Variants in GPC5 observed in about 807,000 individuals in gnomAD.
GPC5 encodes glypican-5.
Under a neutral mutation model 53.9 loss-of-function variants are expected in GPC5, and 47 were observed. The ratio of observed to expected loss-of-function variants is 0.87; its 90% CI spans 0.69 to 1.11. GPC5 has a LOEUF of 1.11. Among genes scored for constraint, GPC5 ranks in the 50% most tolerant of loss-of-function variants. The pLI is 0.00. For synonymous variants in GPC5, 286 were observed against 263.3 expected, an observed-to-expected ratio of 1.09 and a Z score of -0.84; for missense variants, 748 against 713.1, an observed-to-expected ratio of 1.05 and a Z score of -0.56.
chr13:92,566,268 T>C (rs551950537), intron 7 of GPC5, among the ~76,000 whole-genome samples: 2 of 152,120 alleles, frequency 1.3e-5, no homozygotes, highest in African/African-American at 4.8e-5. Flanking sequence ...TGAATAGCTA[T>C]CAATTTAGAA....
intron 3 of GPC5, among the ~76,000 whole-genome samples, chr13:91,719,711 G>A (rs576152887): frequency 1.3e-5 from 2 of 152,092 alleles, no homozygotes; most frequent in Admixed American, 1.3e-4. Context: ...TATAAAAAGG[G>A]GTGATGGACT....
intron 7 of GPC5, among the ~76,000 whole-genome samples, chr13:92,223,544 T>C (rs1443584446): frequency 1.3e-5 from 2 of 152,152 alleles, no homozygotes; most frequent in Non-Finnish European, 2.9e-5. Flanking sequence ...ACTTCTACAA[T>C]TGGGTTATAT....
At chr13:92,453,949 G>C (rs144745515) in intron 7 of GPC5, among the ~76,000 whole-genome samples, 14 of 152,234 alleles carry the variant, frequency 9.2e-5, no homozygotes, top group African/African-American at 2.2e-4. Flanking sequence ...TAAATAGCAC[G>C]CAAAATGTCT....
At chr13:92,347,912 A>ATTT (rs1491384861) in intron 7 of GPC5, among the ~76,000 whole-genome samples, 1 of 1,922 alleles carries the variant, frequency 5.2e-4, no homozygotes, top group East Asian at 9.8e-3. Context: ...ATATATATAT[A>ATTT]ATATATATAT....
At chr13:92,043,191 C>T (rs2040955123) in intron 6 of GPC5, among the ~76,000 whole-genome samples, 1 of 152,002 alleles carries the variant, frequency 6.6e-6, no homozygotes, top group South Asian at 2.1e-4. Flanking sequence ...TAAAAATAGA[C>T]AGAAAAAATA....
At chr13:92,551,002 A>G (rs1021298850) in intron 7 of GPC5, among the ~76,000 whole-genome samples, 2 of 151,968 alleles carry the variant, frequency 1.3e-5, no homozygotes, top group African/African-American at 4.8e-5. Context: ...ATAATCAAAT[A>G]GAGCTTTAAC....
At chr13:92,376,707 G>A (rs1322455761) in intron 7 of GPC5, among the ~76,000 whole-genome samples, 2 of 152,150 alleles carry the variant, frequency 1.3e-5, no homozygotes, top group Non-Finnish European at 2.9e-5. Flanking sequence ...GATAAACCTA[G>A]GCAAGGTACA....
chr13:92,322,130 A>G (rs1344564640), intron 7 of GPC5, among the ~76,000 whole-genome samples: 1 of 152,074 alleles, frequency 6.6e-6, no homozygotes, highest in East Asian at 1.9e-4. Context: ...TTAATATATA[A>G]CCTCTTTTAA....
At chr13:91,752,950 T>A (rs1594522780) in intron 4 of GPC5, among the ~76,000 whole-genome samples, 1 of 152,210 alleles carries the variant, frequency 6.6e-6, no homozygotes, top group African/African-American at 2.4e-5. Context: ...AATTTGAAAG[T>A]AGCATTCTGT....
chr13:91,873,679 C>T (rs987708100), intron 5 of GPC5, among the ~76,000 whole-genome samples: 24 of 152,018 alleles, frequency 1.6e-4, no homozygotes, highest in African/African-American at 5.6e-4. Context: ...CTTGGGTGTA[C>T]CTTTAACAGC....
chr13:92,398,653 C>T (rs1279113180), intron 7 of GPC5, among the ~76,000 whole-genome samples: 1 of 152,068 alleles, frequency 6.6e-6, no homozygotes, highest in Non-Finnish European at 1.5e-5. Flanking sequence ...CAAGTTAAAT[C>T]TCAATAGATT....
intron 2 of GPC5, among the ~76,000 whole-genome samples, chr13:91,522,251 A>C (rs2139371537): frequency 6.6e-6 from 1 of 152,146 alleles, no homozygotes; most frequent in Admixed American, 6.5e-5. Flanking sequence ...GCAAGTCTCA[A>C]CTCTCTAAAC....
At chr13:92,110,170 A>C (rs1189395722) in intron 6 of GPC5, among the ~76,000 whole-genome samples, 2 of 152,162 alleles carry the variant, frequency 1.3e-5, no homozygotes, top group East Asian at 3.9e-4. Context: ...GGAAAAACAC[A>C]GGATTGGCTC....
chr13:92,066,621 C>T (rs1292480105), intron 6 of GPC5, among the ~76,000 whole-genome samples: 4 of 151,930 alleles, frequency 2.6e-5, no homozygotes, highest in Admixed American at 6.6e-5. Flanking sequence ...TCCTGGTAGA[C>T]GTGCAAGAGC....
intron 7 of GPC5, among the ~76,000 whole-genome samples, chr13:92,522,457 T>C (rs1339933626): frequency 1.3e-5 from 2 of 152,182 alleles, no homozygotes; most frequent in East Asian, 3.8e-4. Flanking sequence ...GATGAGTTCA[T>C]GTCCTGTGTA....
At chr13:91,815,994 A>G (rs1229679715) in intron 5 of GPC5, among the ~76,000 whole-genome samples, 1 of 152,194 alleles carries the variant, frequency 6.6e-6, no homozygotes, top group East Asian at 1.9e-4. Flanking sequence ...GCAAAGGAGT[A>G]TAACATATTG....
intron 7 of GPC5, among the ~76,000 whole-genome samples, chr13:92,228,983 A>C (rs1294881033): frequency 1.3e-5 from 2 of 152,194 alleles, no homozygotes; most frequent in Non-Finnish European, 2.9e-5. Flanking sequence ...GAATGATATA[A>C]ATTTTAAAAC....
intron 7 of GPC5, among the ~76,000 whole-genome samples, chr13:92,749,567 G>T (rs1439498766): frequency 6.6e-6 from 1 of 152,052 alleles, no homozygotes; most frequent in Non-Finnish European, 1.5e-5. Context: ...GACGATGGAG[G>T]TGATTGATTC....
At chr13:92,253,731 A>G (rs2042707678) in intron 7 of GPC5, among the ~76,000 whole-genome samples, 1 of 152,168 alleles carries the variant, frequency 6.6e-6, no homozygotes, top group Non-Finnish European at 1.5e-5. Flanking sequence ...AAAGTTTAGA[A>G]TAACATGACT....
Sources: gnomAD v4.1 joint callset for allele counts (sites outside exome capture counted in the v4.1 genomes callset) on GRCh38, gnomAD v4.1.1 for gene constraint, MANE v1.5 for transcripts, NCBI Gene and HGNC (gene_info 2026-07-23, HGNC 2026-07-21) for gene names.